PARD3: variants seen among roughly 807,000 people sequenced by gnomAD.
The protein encoded by PARD3 is partitioning defective 3 homolog.
PARD3 carries 75 observed loss-of-function variants against 155.4 expected under a neutral mutation model. That is an observed-to-expected ratio of 0.48 (90% CI 0.40 to 0.58). The LOEUF (loss-of-function observed/expected upper bound fraction) is 0.58, where lower values mean the gene tolerates loss of function less well. Ranked by LOEUF, PARD3 falls within the 20% of genes least tolerant of loss-of-function variation. The pLI is 0.00. For missense variants in PARD3, 1,642 were observed against 1,721.7 expected, an observed-to-expected ratio of 0.95 and a Z score of 0.82; for synonymous variants, 576 against 610.5, an observed-to-expected ratio of 0.94 and a Z score of 0.83.
At chr10:34,138,115 G>C (rs376060800) in intron 22 of PARD3, among the ~76,000 whole-genome samples, 1 of 152,228 alleles carries the variant, frequency 6.6e-6, no homozygotes, top group African/African-American at 2.4e-5. Context: ...TGTTAGAAGA[G>C]TGGAATCAAA....
chr10:34,708,377 A>C (rs1286551776), intron 1 of PARD3, among the ~76,000 whole-genome samples: 1 of 152,220 alleles, frequency 6.6e-6, no homozygotes, highest in East Asian at 1.9e-4. Context: ...AGGACAACTG[A>C]AGAAATTTGT....
intron 22 of PARD3, among the ~76,000 whole-genome samples, chr10:34,153,164 A>C (rs975327611): frequency 1.3e-5 from 2 of 152,186 alleles, no homozygotes; most frequent in Non-Finnish European, 2.9e-5. Context: ...CACTGAGTAT[A>C]CACGGATGCA....
At chr10:34,389,486 A>C (rs1456507020) in intron 7 of PARD3, among the ~76,000 whole-genome samples, 4 of 152,216 alleles carry the variant, frequency 2.6e-5, no homozygotes, top group African/African-American at 7.2e-5. Context: ...ACCAATGATA[A>C]AACTGAAAAT....
chr10:34,429,759 G>T (rs947559394), intron 5 of PARD3, among the ~76,000 whole-genome samples: 3 of 152,026 alleles, frequency 2.0e-5, no homozygotes, highest in Non-Finnish European at 4.4e-5. Flanking sequence ...CTAATTTTTT[G>T]TATTTTTAGT....
At chr10:34,261,334 C>A (rs1056552029) in intron 22 of PARD3, among the ~76,000 whole-genome samples, 2 of 152,092 alleles carry the variant, frequency 1.3e-5, no homozygotes, top group Non-Finnish European at 2.9e-5. Context: ...TTAAAGTGTA[C>A]TAAACTTTCC....
intron 4 of PARD3, among the ~76,000 whole-genome samples, chr10:34,460,690 G>C (rs868526225): frequency 3.3e-5 from 5 of 151,954 alleles, no homozygotes; most frequent in African/African-American, 1.2e-4. Flanking sequence ...AAAATTAGCC[G>C]GGTGTGGTGG....
intron 3 of PARD3, among the ~76,000 whole-genome samples, chr10:34,496,646 G>C (rs1455622270): frequency 2.0e-5 from 3 of 152,204 alleles, no homozygotes; most frequent in Non-Finnish European, 4.4e-5. Context: ...GAAGCTGCAG[G>C]AGAAAGCAAG....
intron 22 of PARD3, among the ~76,000 whole-genome samples, chr10:34,165,988 T>C (rs1469717710): frequency 6.6e-6 from 1 of 152,240 alleles, no homozygotes; most frequent in Non-Finnish European, 1.5e-5. Context: ...ATTTCTATTA[T>C]CCCTTTATCG....
intron 4 of PARD3, among the ~76,000 whole-genome samples, chr10:34,452,935 C>A (rs555070909): frequency 6.6e-6 from 1 of 152,152 alleles, no homozygotes; most frequent in Non-Finnish European, 1.5e-5. Flanking sequence ...TGATTTTGGT[C>A]CTCGGCCATA....
intron 22 of PARD3, among the ~76,000 whole-genome samples, chr10:34,190,914 C>CCTA (rs1950678555): frequency 6.6e-6 from 1 of 151,826 alleles, no homozygotes; most frequent in Non-Finnish European, 1.5e-5. Context: ...TCTCGCGGGT[C>CCTA]CTGTAGTTCA....
intron 1 of PARD3, among the ~76,000 whole-genome samples, chr10:34,790,948 C>A (rs545700166): frequency 6.6e-6 from 1 of 152,184 alleles, no homozygotes; most frequent in Non-Finnish European, 1.5e-5. Flanking sequence ...CACAGGGAAG[C>A]GCATGCGTGG....
intron 3 of PARD3, among the ~76,000 whole-genome samples, chr10:34,486,751 G>A (rs1029804814): frequency 1.1e-4 from 17 of 152,140 alleles, no homozygotes; most frequent in Non-Finnish European, 2.2e-4. Flanking sequence ...TTGTCCTGGT[G>A]ACATCAGTGC....
At chr10:34,558,925 C>T (rs575823815) in intron 2 of PARD3, among the ~76,000 whole-genome samples, 1 of 152,188 alleles carries the variant, frequency 6.6e-6, no homozygotes, top group East Asian at 1.9e-4. Flanking sequence ...CCAGCCTGGG[C>T]GACAGAGTGA....
chr10:34,239,169 G>C (rs1186537635), intron 22 of PARD3, among the ~76,000 whole-genome samples: 1 of 152,230 alleles, frequency 6.6e-6, no homozygotes, highest in Non-Finnish European at 1.5e-5. Context: ...AATTCTTAAA[G>C]AGAACTGGTG....
chr10:34,561,942 G>A (rs931658977), intron 2 of PARD3, among the ~76,000 whole-genome samples: 1 of 150,178 alleles, frequency 6.7e-6, no homozygotes, highest in Admixed American at 6.7e-5. Flanking sequence ...GACTGGCCTG[G>A]CCAACATGGT....
chr10:34,336,388 T>A, intron 17 of PARD3, 145 bp from the exon 18 acceptor site: 2 of 590,296 alleles, frequency 3.4e-6, no homozygotes, highest in Non-Finnish European at 3.0e-6. Context: ...CAAACATTCA[T>A]AATCAAAAAA....
At chr10:34,687,909 G>C (rs1205013283) in intron 2 of PARD3, among the ~76,000 whole-genome samples, 1 of 122,300 alleles carries the variant, frequency 8.2e-6, no homozygotes, top group Non-Finnish European at 1.6e-5. Context: ...AGCTTGAGTA[G>C]AGCAGCGTGA....
At chr10:34,680,101 TAAAG>T (rs1054009597) in intron 2 of PARD3, among the ~76,000 whole-genome samples, 1 of 151,988 alleles carries the variant, frequency 6.6e-6, no homozygotes, top group African/African-American at 2.4e-5. Context: ...ATAAAAATTT[TAAAG>T]AAAATAAAAC....
chr10:34,780,642 T>C (rs1840130338), intron 1 of PARD3, among the ~76,000 whole-genome samples: 1 of 152,244 alleles, frequency 6.6e-6, no homozygotes, highest in African/African-American at 2.4e-5. Context: ...TTTGGTCTCC[T>C]GTCTATTTTA....
Sources: gnomAD v4.1 joint callset for allele counts (sites outside exome capture counted in the v4.1 genomes callset) on GRCh38, gnomAD v4.1.1 for gene constraint, MANE v1.5 for transcripts, NCBI Gene and HGNC (gene_info 2026-07-23, HGNC 2026-07-21) for gene names.